Variants in ARPIN observed in about 807,000 individuals in gnomAD.
The protein encoded by ARPIN is UPF0552 protein C15orf38.
ARPIN carries 23 observed loss-of-function variants against 25.9 expected under a neutral mutation model. The observed-to-expected ratio is 0.89, with a 90% confidence interval of 0.64 to 1.26. The LOEUF (loss-of-function observed/expected upper bound fraction) is 1.26. ARPIN is among the 50% of genes most tolerant of loss of function. ARPIN has a pLI of 0.00. For missense variants in ARPIN, 333 were observed against 312.2 expected (o/e 1.07, Z -0.50); for synonymous variants, 126 against 131.4 (o/e 0.96, Z 0.28).
intron 5 of ARPIN, 126 bp from the exon 6 acceptor site, chr15:89,901,929 G>A (rs771357743): frequency 5.8e-5 from 65 of 1,116,536 alleles, no homozygotes; most frequent in East Asian, 2.0e-4. Context: ...TTGCCTGGGC[G>A]CCTCATTAGA....
At chr15:89,902,801 C>T in intron 5 of ARPIN, 2 of 1,061,414 alleles carry the variant, frequency 1.9e-6, no homozygotes, top group Non-Finnish European at 2.3e-6. Context: ...CCAGTAAGGA[C>T]CAGGTCAGCC....
rs774313742 is a variant in ARPIN, at chr15:89,903,115, G to C, written c.672+101C>G. ...CACAGAATTCCACTAAAGCTGGGGG[G>C]TAAGATTCATCCTGTCGTCTTCTCA... On this transcript the variant is annotated intron_variant, in intron 5 of 5. Transcript: ENST00000357484. 44 of 1,609,346 alleles carry C rather than the reference G, an allele frequency of 2.7e-5. 1 individual carries two copies. The Middle Eastern group carries it at 6.6e-3, about 242-fold the overall frequency.
chr15:89,906,740 A>T (rs1475648866), intron 3 of ARPIN, among the ~76,000 whole-genome samples: 2 of 152,174 alleles, frequency 1.3e-5, no homozygotes, highest in Non-Finnish European at 2.9e-5. Flanking sequence ...CTTCTCACCC[A>T]GGGGCAGACA....
Position 89,901,764 on chromosome 15 carries a change from G to T in ARPIN, c.*31C>A. On this transcript the variant is annotated 3_prime_UTR_variant, in exon 6 of 6. Coordinates refer to ENST00000357484, the MANE Select transcript of ARPIN (RefSeq NM_182616.4). ...GAAATGTTCCACAATGCTACAGAAG[G>T]TGCTGGTGCCCCCAGAGGCAGCCAC... The T allele has an allele frequency of 6.2e-7, 1 of 1,611,494 alleles. No individual in the cohort carries two copies. Among genetic ancestry groups the T allele is most frequent in the Non-Finnish European group, 8.5e-7 (1 of 1,177,650 alleles).
At position 89,910,396 on chromosome 15, in the gene ARPIN, G is replaced by C. The variant is rs1230561120; in HGVS notation, c.168+348C>G. The stretch of plus-strand genomic sequence containing the variant: ...GACCCCAGGAGGCTGAGAGGGCAAA[G>C]GCAGCCAGGACATCAACATGGGAAC... On this transcript the variant is annotated intron_variant, in intron 2 of 5. Coordinates refer to ENST00000357484, the MANE Select transcript of ARPIN (RefSeq NM_182616.4). Among the ~76,000 whole-genome samples, 6 of 152,304 alleles carry C rather than the reference G, an allele frequency of 3.9e-5. No homozygotes were observed. The East Asian group carries it at 1.2e-3, about 29-fold the overall frequency.
intron 1 of ARPIN, 81 bp downstream of exon 1, chr15:89,912,663 T>TGTGC: frequency 1.1e-6 from 1 of 871,110 alleles, no homozygotes; most frequent in Non-Finnish European, 1.4e-6. Context: ...CCCACCCGCA[T>TGTGC]CCCACCCCCC....
rs1458190945 is a variant in ARPIN, at chr15:89,895,555, G to A, written c.*6240C>T. The stretch of plus-strand genomic sequence containing the variant: ...CTGGAAAATGAGTCTACTGACTTCA[G>A]ACAGTTGTTATAAACACAAAGGGAG... On this transcript the variant is annotated 3_prime_UTR_variant, in exon 6 of 6. Transcript: ENST00000357484. 3 of 152,246 alleles carry A rather than the reference G, an allele frequency of 2.0e-5. No homozygotes were observed. Among genetic ancestry groups the A allele is most frequent in the Non-Finnish European group, 2.9e-5 (2 of 68,048 alleles). The allele number at this position is 152,246 out of a possible 1,614,324, so 9.4% of individuals were successfully genotyped here.
Position 89,897,689 on chromosome 15 carries a change from C to T in ARPIN, c.*4106G>A, listed in dbSNP as rs1177271200. 1 of 152,162 alleles carries T rather than the reference C, an allele frequency of 6.6e-6. No homozygotes were observed. Among genetic ancestry groups the T allele is most frequent in the African/African-American group, 2.4e-5 (1 of 41,442 alleles). 9.4% of individuals were successfully genotyped at this position (152,162 alleles called of 1,614,324 possible). A position where few individuals can be genotyped will look rare whatever the true frequency, so the allele number is the denominator to read the frequency against. On this transcript the variant is annotated 3_prime_UTR_variant, in exon 6 of 6. Coordinates refer to ENST00000357484, the MANE Select transcript of ARPIN (RefSeq NM_182616.4). ...TGTACACAAATTACATGCTAAAAAA[C>T]CCAAATACTAAAAATTATGAACATG... is the stretch of plus-strand genomic sequence containing the variant.
intron 5 of ARPIN, among the ~76,000 whole-genome samples, chr15:89,902,611 G>A (rs916362808): frequency 3.3e-5 from 5 of 152,112 alleles, no homozygotes; most frequent in African/African-American, 2.4e-5. Flanking sequence ...GGCTGAGGTG[G>A]GAGGATCATT....
intron 1 of ARPIN, chr15:89,912,082 A>G (rs1177317824): frequency 2.5e-5 from 15 of 608,356 alleles, no homozygotes; most frequent in South Asian, 7.2e-5. Context: ...CGGCCTCCCA[A>G]AGTGCTGGGA....
intron 3 of ARPIN, 121 bp downstream of exon 3, chr15:89,908,159 C>A: frequency 1.3e-6 from 2 of 1,492,808 alleles, no homozygotes; most frequent in Non-Finnish European, 1.8e-6. Flanking sequence ...AGGCCACATA[C>A]AGGGCTTCAA....
At chr15:89,902,564 C>G (rs936495888) in intron 5 of ARPIN, among the ~76,000 whole-genome samples, 1 of 152,000 alleles carries the variant, frequency 6.6e-6, no homozygotes, top group Non-Finnish European at 1.5e-5. Flanking sequence ...ATTAGCCAGG[C>G]GTGGTGATGC....
In ARPIN at chr15:89,910,621, C is replaced by A. The variant is rs1485010158; in HGVS notation, c.168+123G>T. 4 of 1,213,236 alleles carry A rather than the reference C, an allele frequency of 3.3e-6. No homozygotes were observed. In the Admixed American group the frequency reaches 8.6e-5, roughly 26 times the overall value. The allele number at this position is 1,213,236 out of a possible 1,614,324, so 75.2% of individuals were successfully genotyped here. ...AATCTCCTGACCTACTTCCCACTTG[C>A]TTTCTAAGCCCATCAAGAATCCCAA... On this transcript the variant is annotated intron_variant, in intron 2 of 5. Coordinates refer to ENST00000357484, the MANE Select transcript of ARPIN (RefSeq NM_182616.4).
chr15:89,899,083 C>CCT lies in ARPIN; in HGVS notation c.*2711_*2712insAG, dbSNP rs1555449279. On this transcript the variant is annotated 3_prime_UTR_variant, in exon 6 of 6. Coordinates refer to ENST00000357484, the MANE Select transcript of ARPIN (RefSeq NM_182616.4). ...TACCTGCTGAGCCTGGGACCCTATT[C>CCT]TTTTTTTTTTTTTTTTTTTTGAGAC... 8.4e-6 allele frequency: 1 copy of CCT among 119,370 alleles called. No individual in the cohort carries two copies. The highest frequency in any genetic ancestry group is 9.0e-5 in the Admixed American group (1 of 11,108). 7.4% of individuals were successfully genotyped at this position (119,370 alleles called of 1,614,324 possible).
At chr15:89,908,641 G>A (rs1897170238) in intron 2 of ARPIN, among the ~76,000 whole-genome samples, 1 of 152,068 alleles carries the variant, frequency 6.6e-6, no homozygotes, top group Non-Finnish European at 1.5e-5. Context: ...TTCCTAACAG[G>A]GCAAGCCCAG....
Position 89,908,300 on chromosome 15 carries a change from C to G in ARPIN, c.281G>C (p.Gly94Ala). 6.2e-7 allele frequency: 1 copy of G among 1,614,170 alleles called. No homozygotes were observed. ...CCTACTGTAGGACGACATGAGGAAGCCCGTGTTCACCTTCCTGGTGGCGCT... is the reference window on the plus strand; with the variant it reads ...CCTACTGTAGGACGACATGAGGAAGGCCGTGTTCACCTTCCTGGTGGCGCT... ...NFSATRKVNT[G>A]FLMSSYKVEA... Residue 94 changes from glycine to alanine, a missense_variant, in exon 3 of 6, where the codon GGC becomes GCC. Transcript: ENST00000357484.
chr15:89,898,693 G>A lies in ARPIN; in HGVS notation c.*3102C>T, dbSNP rs1218208815. 1 of 149,466 alleles carries A rather than the reference G, an allele frequency of 6.7e-6. No homozygotes were observed. Among genetic ancestry groups the A allele is most frequent in the Non-Finnish European group, 1.5e-5 (1 of 67,606 alleles). The allele number at this position is 149,466 out of a possible 1,614,324, so 9.3% of individuals were successfully genotyped here. A position where few individuals can be genotyped will look rare whatever the true frequency, so the allele number is the denominator to read the frequency against. On this transcript the variant is annotated 3_prime_UTR_variant, in exon 6 of 6. Coordinates refer to ENST00000357484, the MANE Select transcript of ARPIN (RefSeq NM_182616.4). ...CTTAAGGAGGAAGCGAGCCGAGAAA[G>A]GAGGGTTGTGACATTGTGATGAGCT... is the stretch of plus-strand genomic sequence containing the variant.
intron 2 of ARPIN, among the ~76,000 whole-genome samples, chr15:89,908,624 C>A (rs764650465): frequency 2.6e-5 from 4 of 152,108 alleles, no homozygotes; most frequent in Admixed American, 6.5e-5. Context: ...ATGAGCCCTG[C>A]TAGAAGTTCC....
Position 89,896,242 on chromosome 15 carries a change from C to T in ARPIN, c.*5553G>A, listed in dbSNP as rs1004915617. ...AAAAGTCAGTTGCACTGAAACTTGA[C>T]AAAATGTTTAAAATGTTGAGGAAGA... On this transcript the variant is annotated 3_prime_UTR_variant, in exon 6 of 6. Coordinates refer to ENST00000357484, the MANE Select transcript of ARPIN (RefSeq NM_182616.4). 6.6e-5 allele frequency: 10 copies of T among 152,046 alleles called. No individual in the cohort carries two copies. Among genetic ancestry groups the T allele is most frequent in the Non-Finnish European group, 1.0e-4 (7 of 68,012 alleles). The allele number at this position is 152,046 out of a possible 1,614,324, so 9.4% of individuals were successfully genotyped here. A position where few individuals can be genotyped will look rare whatever the true frequency, so the allele number is the denominator to read the frequency against.
Sources: gnomAD v4.1 joint callset for allele counts (sites outside exome capture counted in the v4.1 genomes callset) on GRCh38, gnomAD v4.1.1 for gene constraint, MANE v1.5 for transcripts, NCBI Gene and HGNC (gene_info 2026-07-23, HGNC 2026-07-21) for gene names.